Variants in CEP63 observed in about 807,000 individuals in gnomAD.
CEP63 encodes the protein centrosomal protein 63, also known as centrosomal protein of 63 kDa.
In CEP63, 84 loss-of-function variants were observed where a neutral mutation model predicts 89.1. The ratio of observed to expected loss-of-function variants is 0.94; its 90% CI spans 0.79 to 1.13. The LOEUF (loss-of-function observed/expected upper bound fraction) is 1.13. Among genes scored for constraint, CEP63 ranks in the 50% most tolerant of loss-of-function variants. CEP63 has a pLI of 0.00. For missense variants in CEP63, 838 were observed against 813.3 expected (o/e 1.03, Z -0.37); for synonymous variants, 267 against 272.5 (o/e 0.98, Z 0.20).
At chr3:134,630,782 A>C in the CEP63 span, among the ~76,000 whole-genome samples, 1 of 152,244 alleles carries the variant, frequency 6.6e-6, no homozygotes, top group Non-Finnish European at 1.5e-5. Flanking sequence ...TAATTTGAAA[A>C]GGAAAAGATA....
At chr3:134,643,243 C>T in the CEP63 span, 2 of 1,443,820 alleles carry the variant, frequency 1.4e-6, no homozygotes, top group African/African-American at 2.8e-5. Context: ...ACATCCTGGG[C>T]TGTCGCTGGC....
At chr3:134,709,859 T>G in the CEP63 span, among the ~76,000 whole-genome samples, 2 of 152,228 alleles carry the variant, frequency 1.3e-5, no homozygotes. Context: ...CCGGCATTAA[T>G]AGAATAGGAT....
the CEP63 span, among the ~76,000 whole-genome samples, chr3:134,738,146 A>G: frequency 6.6e-6 from 1 of 152,170 alleles, no homozygotes. Flanking sequence ...GAATATCAAG[A>G]ATTACTGAGT....
downstream of CEP63, among the ~76,000 whole-genome samples, chr3:134,579,092 C>T (rs2110321666): frequency 6.6e-6 from 1 of 152,360 alleles, no homozygotes; most frequent in East Asian, 1.9e-4. Context: ...AACTGCTATC[C>T]TGGTGATGGT....
chr3:134,741,981 G>A, the CEP63 span, among the ~76,000 whole-genome samples: 1 of 147,712 alleles, frequency 6.8e-6, no homozygotes, highest in Non-Finnish European at 1.5e-5. Context: ...AGAGATCTGA[G>A]AGACCAGTGT....
At chr3:134,742,173 C>T in the CEP63 span, among the ~76,000 whole-genome samples, 1 of 152,028 alleles carries the variant, frequency 6.6e-6, no homozygotes, top group Admixed American at 6.6e-5. Context: ...AAGAGGTGGC[C>T]CTCTCTCTCT....
At chr3:134,635,572 C>T in the CEP63 span, among the ~76,000 whole-genome samples, 1 of 147,854 alleles carries the variant, frequency 6.8e-6, no homozygotes, top group East Asian at 2.0e-4. Context: ...AGAGTCCACA[C>T]AAGATAATTT....
chr3:134,579,711 AATAT>A (rs1958299489), downstream of CEP63, among the ~76,000 whole-genome samples: 1 of 152,226 alleles, frequency 6.6e-6, no homozygotes. Context: ...TAGAAGTAAG[AATAT>A]ATATCCACAT....
intron 3 of CEP63, among the ~76,000 whole-genome samples, chr3:134,531,135 C>T (rs1448518633): frequency 2.6e-5 from 4 of 152,116 alleles, no homozygotes; most frequent in Non-Finnish European, 5.9e-5. Context: ...TCCTGTCTGA[C>T]GTTACTATTC....
chr3:134,711,923 C>G, the CEP63 span, among the ~76,000 whole-genome samples: 4 of 151,924 alleles, frequency 2.6e-5, no homozygotes, highest in South Asian at 8.3e-4. Flanking sequence ...CCACCATGCC[C>G]GGCTAATTTT....
chr3:134,647,325 G>T, the CEP63 span: 1 of 866,934 alleles, frequency 1.2e-6, no homozygotes, highest in Non-Finnish European at 1.8e-6. Context: ...GCCACTTTCC[G>T]TTCAGTGGTT....
chr3:134,728,852 C>T, the CEP63 span, among the ~76,000 whole-genome samples: 3 of 152,112 alleles, frequency 2.0e-5, no homozygotes, highest in South Asian at 2.1e-4. Context: ...CTGAAACTTT[C>T]CTTTAACTTG....
the CEP63 span, among the ~76,000 whole-genome samples, chr3:134,691,219 G>A: frequency 4.0e-5 from 6 of 151,776 alleles, no homozygotes; most frequent in South Asian, 1.2e-3. Context: ...TTAGCTGGGT[G>A]TCGTGCTGTA....
chr3:134,526,302 T>G (rs1258299003), intron 3 of CEP63, among the ~76,000 whole-genome samples: 1 of 152,186 alleles, frequency 6.6e-6, no homozygotes, highest in Non-Finnish European at 1.5e-5. Context: ...TTCCTTTCTA[T>G]ACTGTCTATT....
chr3:134,740,266 T>TTTA, the CEP63 span, among the ~76,000 whole-genome samples: 4 of 140,932 alleles, frequency 2.8e-5, no homozygotes, highest in African/African-American at 7.8e-5. Flanking sequence ...TATTCTTTTC[T>TTTA]TTTATTTATT....
intron 6 of CEP63, among the ~76,000 whole-genome samples, 174 bp downstream of exon 6, chr3:134,537,442 C>T (rs1950987315): frequency 6.6e-6 from 1 of 152,172 alleles, no homozygotes; most frequent in South Asian, 2.1e-4. Context: ...TTCTTCCCGC[C>T]TGCCCTCACA....
At chr3:134,582,961 G>T (rs1160036587) in intron 10 of CEP63, among the ~76,000 whole-genome samples, 1 of 152,106 alleles carries the variant, frequency 6.6e-6, no homozygotes, top group African/African-American at 2.4e-5. Context: ...GTGTCTTTTG[G>T]CTGCATAAAT....
At chr3:134,628,295 G>C in the CEP63 span, among the ~76,000 whole-genome samples, 3 of 152,208 alleles carry the variant, frequency 2.0e-5, no homozygotes. Flanking sequence ...TCCTTGGGAG[G>C]ATTAAAGGCC....
chr3:134,661,762 G>A, the CEP63 span, among the ~76,000 whole-genome samples: 25 of 151,806 alleles, frequency 1.6e-4, no homozygotes, highest in Non-Finnish European at 3.1e-4. Flanking sequence ...AGAGGGGAAG[G>A]AAGGAAGGAG....
Sources: gnomAD v4.1 joint callset for allele counts (sites outside exome capture counted in the v4.1 genomes callset) on GRCh38, gnomAD v4.1.1 for gene constraint, MANE v1.5 for transcripts, NCBI Gene and HGNC (gene_info 2026-07-23, HGNC 2026-07-21) for gene names.